Variants in CEP192 observed in about 807,000 individuals in gnomAD.
CEP192 encodes the protein centrosomal protein of 192 kDa.
CEP192 carries 151 observed loss-of-function variants against 271.8 expected under a neutral mutation model. The ratio of observed to expected loss-of-function variants is 0.56; its 90% CI spans 0.49 to 0.64. The LOEUF is 0.64. Among genes scored for constraint, CEP192 ranks in the 30% least tolerant of loss-of-function variants. The pLI, the probability that CEP192 is intolerant of heterozygous loss-of-function variation, is 0.00. For synonymous variants in CEP192, 995 were observed against 1,076.5 expected (o/e 0.92, Z 1.48); for missense variants, 2,910 against 3,020.5 (o/e 0.96, Z 0.86).
intron 3 of CEP192, among the ~76,000 whole-genome samples, chr18:13,004,408 G>A (rs1339747857): frequency 6.6e-6 from 1 of 152,130 alleles, no homozygotes; most frequent in African/African-American, 2.4e-5. Flanking sequence ...AATTGCTGCA[G>A]CAACGTCTGT....
rs148280547 is a variant in CEP192 at position 13,124,735 on chromosome 18, A to G, written c.7579A>G (p.Ile2527Val). Residue 2527 changes from isoleucine to valine, a missense_variant, in exon 45 of 45, where the codon ATT becomes GTT. Coordinates refer to ENST00000506447, the MANE Select transcript of CEP192 (RefSeq NM_032142.4). ...AACAGATGAAGGCAAGAGTATTGCT[A>G]TTCGACTAATTGGTGAAGCTCTTGG... ...IQTDEGKSIA[I>V]RLIGEALGKN 4.3e-6 allele frequency: 7 copies of G among 1,612,644 alleles called. No homozygotes were observed. The highest frequency in any genetic ancestry group is 5.1e-6 in the Non-Finnish European group (6 of 1,178,938).
intron 42 of CEP192, 98 bp downstream of exon 42, chr18:13,114,349 G>A: frequency 7.8e-7 from 1 of 1,283,066 alleles, no homozygotes; most frequent in South Asian, 1.4e-5. Flanking sequence ...GTTCACATGT[G>A]TTACCAGCAC....
At position 13,015,372 on chromosome 18, in the gene CEP192, A is replaced by G. The variant is rs1324444858; in HGVS notation, c.564A>G (p.Leu188=). 5 of 1,550,542 alleles carry G rather than the reference A, an allele frequency of 3.2e-6. No homozygotes were observed. Among genetic ancestry groups the G allele is most frequent in the South Asian group, 1.2e-5 (1 of 83,992 alleles). Residue 188 remains leucine (L), a synonymous_variant, in exon 6 of 45, where the codon CTA becomes CTG. Coordinates refer to ENST00000506447, the MANE Select transcript of CEP192 (RefSeq NM_032142.4). ...GAAAACATTTTGAAGACAAGACTCT[A>G]AAGAGTGACCTAAGCCACACTAGCT... is the stretch of plus-strand genomic sequence containing the variant. ...DAGKHFEDKT[L]KSDLSHTSLL... is the part of the protein sequence containing the mutation.
At position 13,059,250 on chromosome 18, in the gene CEP192, C is replaced by G. The variant is rs781674272; in HGVS notation, c.4426C>G (p.Gln1476Glu). 5.0e-6 allele frequency: 8 copies of G among 1,614,086 alleles called. No homozygotes were observed. The highest frequency in any genetic ancestry group is 2.2e-5 in the South Asian group (2 of 91,092). ...PCSTDAETIV[Q>E]AEALASTVTL... The stretch of plus-strand genomic sequence containing the variant: ...TTCGACAGATGCTGAGACCATCGTA[C>G]AGGCAGAAGCTTTGGCCAGCACCGT... The change falls in exon 21 of 45, where the codon CAG becomes GAG. Residue 1476 changes from glutamine to glutamate, a missense_variant. Transcript: ENST00000506447.
intron 1 of CEP192, among the ~76,000 whole-genome samples, chr18:12,993,735 G>A (rs1456817120): frequency 2.6e-5 from 4 of 151,950 alleles, no homozygotes; most frequent in South Asian, 4.1e-4. Flanking sequence ...GACTGGAAAC[G>A]TCTCTTAATT....
At chr18:13,051,583 G>A (rs1020904682) in intron 17 of CEP192, among the ~76,000 whole-genome samples, 2 of 151,630 alleles carry the variant, frequency 1.3e-5, no homozygotes, top group Non-Finnish European at 2.9e-5. Flanking sequence ...TCTCTCTCTC[G>A]CCCAGGCTGG....
At chr18:13,039,380 A>G (rs538295952) in intron 13 of CEP192, among the ~76,000 whole-genome samples, 45 of 151,892 alleles carry the variant, frequency 3.0e-4, no homozygotes, top group Non-Finnish European at 5.7e-4. Context: ...GCTCGAACCC[A>G]GGAGGTGGAG....
intron 15 of CEP192, among the ~76,000 whole-genome samples, chr18:13,043,395 GCTAA>G (rs2143851061): frequency 6.6e-6 from 1 of 152,178 alleles, no homozygotes; most frequent in South Asian, 2.1e-4. Flanking sequence ...TCTCTAATGT[GCTAA>G]CTTTGTCATA....
intron 40 of CEP192, among the ~76,000 whole-genome samples, chr18:13,107,760 C>T (rs11662528): frequency 0.14 from 20,817 of 151,770 alleles, 1,573 homozygotes; most frequent in East Asian, 0.31. Context: ...GATCCAGAGA[C>T]GTTTGTTTTC....
intron 9 of CEP192, among the ~76,000 whole-genome samples, chr18:13,028,133 T>C (rs2035407933): frequency 6.6e-6 from 1 of 152,184 alleles, no homozygotes; most frequent in Non-Finnish European, 1.5e-5. Flanking sequence ...GTTCCTTGGC[T>C]TGTAGCAGCA....
chr18:13,028,342 C>A (rs1165184858), intron 9 of CEP192, among the ~76,000 whole-genome samples: 1 of 152,130 alleles, frequency 6.6e-6, no homozygotes, highest in African/African-American at 2.4e-5. Flanking sequence ...TTTATAGTTA[C>A]CAGGCTTAGG....
intron 15 of CEP192, among the ~76,000 whole-genome samples, chr18:13,044,848 T>C (rs1368794265): frequency 1.3e-5 from 2 of 152,202 alleles, no homozygotes; most frequent in Non-Finnish European, 2.9e-5. Context: ...ATTGGTGCTT[T>C]TTTAAAGATT....
intron 10 of CEP192, 43 bp downstream of exon 10, chr18:13,030,045 T>C (rs750680465): frequency 6.7e-6 from 9 of 1,346,986 alleles, no homozygotes; most frequent in Non-Finnish European, 9.2e-6. Flanking sequence ...AAATAGATGT[T>C]CATACATTTT....
At chr18:13,122,194 CG>C (rs1369924170) in intron 44 of CEP192, among the ~76,000 whole-genome samples, 1 of 152,112 alleles carries the variant, frequency 6.6e-6, no homozygotes, top group East Asian at 1.9e-4. Context: ...GAGGCGGAGG[CG>C]GGTGAATCAC....
chr18:13,011,378 T>G (rs2034349862), intron 4 of CEP192, among the ~76,000 whole-genome samples: 1 of 152,182 alleles, frequency 6.6e-6, no homozygotes, highest in Non-Finnish European at 1.5e-5. Flanking sequence ...GGTAGAAATG[T>G]AAAGTGGCAT....
chr18:13,086,867 G>A (rs1400382980), intron 30 of CEP192, 150 bp from the exon 31 acceptor site: 9 of 567,326 alleles, frequency 1.6e-5, no homozygotes, highest in Non-Finnish European at 2.1e-5. Flanking sequence ...ATATACTGCT[G>A]GACTGGAAAT....
At chr18:13,095,777 C>A (rs944423199) in intron 35 of CEP192, 96 bp downstream of exon 35, 1 of 1,062,806 alleles carries the variant, frequency 9.4e-7, no homozygotes, top group Admixed American at 2.6e-5. Flanking sequence ...CACATGGGCT[C>A]CTGCACATTG....
At chr18:13,017,148 CT>C in intron 6 of CEP192, 39 bp from the exon 7 acceptor site, 2 of 1,492,992 alleles carry the variant, frequency 1.3e-6, no homozygotes, top group Non-Finnish European at 1.8e-6. Context: ...TTAGTCACTA[CT>C]TTAAAGCATG....
At chr18:13,117,718 G>T in intron 44 of CEP192, 75 bp downstream of exon 44, 1 of 1,076,250 alleles carries the variant, frequency 9.3e-7, no homozygotes, top group South Asian at 1.3e-5. Context: ...GGGCTTGTGA[G>T]GTCTCCTCTG....
Sources: allele counts gnomAD v4.1 joint callset (sites outside exome capture counted in the v4.1 genomes callset), GRCh38; gene constraint gnomAD v4.1.1; transcripts MANE v1.5; gene names NCBI Gene and HGNC (gene_info 2026-07-23, HGNC 2026-07-21).